The following GRHL2 variants were observed in gnomAD, a reference collection of about 807,000 sequenced individuals.
GRHL2 encodes the protein grainyhead like transcription factor 2.
A neutral mutation model predicts 83.8 loss-of-function variants in GRHL2; 21 were observed. That is an observed-to-expected ratio of 0.25 (90% CI 0.18 to 0.36). GRHL2 has a LOEUF of 0.36. Among genes scored for constraint, GRHL2 ranks in the 10% least tolerant of loss-of-function variants. GRHL2 has a pLI of 1.00. For missense variants in GRHL2, 623 were observed against 781.8 expected (o/e 0.80, Z 2.42); for synonymous variants, 280 against 278.9 (o/e 1.00, Z -0.04).
In GRHL2 at chr8:101,598,986, A is replaced by G; in HGVS notation, c.1004-71A>G. Reference sequence around the variant, plus strand: ...GAAGTTTAAATTTACCCATTGGAAAATGATGGTTCAGTACATGTCACTGAG... The same window carrying G: ...GAAGTTTAAATTTACCCATTGGAAAGTGATGGTTCAGTACATGTCACTGAG... On this transcript the variant is annotated intron_variant, in intron 7 of 15. Coordinates refer to ENST00000646743, the MANE Select transcript of GRHL2 (RefSeq NM_024915.4). 1.6e-5 allele frequency: 17 copies of G among 1,042,166 alleles called. No individual in the cohort carries two copies. In the South Asian group the frequency reaches 2.1e-4, roughly 13 times the overall value. The allele number at this position is 1,042,166 out of a possible 1,614,324, so 64.6% of individuals were successfully genotyped here.
Position 101,623,392 on chromosome 8 carries a change from C to A in GRHL2, c.1257+3695C>A, listed in dbSNP as rs995551788. 3.5e-5 allele frequency among the ~76,000 whole-genome samples: 5 copies of A among 144,530 alleles called. No homozygotes were observed. In the East Asian group the frequency reaches 6.3e-4, roughly 18 times the overall value. The allele number at this position is 144,530 out of a possible 152,430, so 94.8% of individuals were successfully genotyped here. On this transcript the variant is annotated intron_variant, in intron 9 of 15. Transcript: ENST00000646743. Reference sequence around the variant, plus strand: ...TTCACAGTAAGACAGTTCACGGTACCCAGTAGGACAGTACACAGTAGAACA... The same window carrying A: ...TTCACAGTAAGACAGTTCACGGTACACAGTAGGACAGTACACAGTAGAACA...
chr8:101,565,027 T>A (rs1391134335), intron 4 of GRHL2, among the ~76,000 whole-genome samples: 1 of 152,192 alleles, frequency 6.6e-6, no homozygotes, highest in African/African-American at 2.4e-5. Context: ...AGGGAAATAA[T>A]GCTAGATGCC....
At chr8:101,633,548 C>T (rs2130403412) in intron 11 of GRHL2, among the ~76,000 whole-genome samples, 1 of 152,304 alleles carries the variant, frequency 6.6e-6, no homozygotes, top group African/African-American at 2.4e-5. Context: ...ACAACCACGG[C>T]TTTTTTGTTG....
Position 101,668,917 on chromosome 8 carries a change from ATGAAT to A in GRHL2, c.*2219_*2223del, listed in dbSNP as rs1239349979. 2 of 152,360 alleles carry A rather than the reference ATGAAT, an allele frequency of 1.3e-5. No individual in the cohort carries two copies. Among genetic ancestry groups the A allele is most frequent in the African/African-American group, 2.4e-5 (1 of 41,572 alleles). The allele number at this position is 152,360 out of a possible 1,614,324, so 9.4% of individuals were successfully genotyped here. A position where few individuals can be genotyped will look rare whatever the true frequency, so the allele number is the denominator to read the frequency against. On this transcript the variant is annotated 3_prime_UTR_variant, in exon 16 of 16. Coordinates refer to ENST00000646743, the MANE Select transcript of GRHL2 (RefSeq NM_024915.4). ...TGCCAGTCCTGCCCTAAGGCAGAAG[ATGAAT>A]TGAAGATGCTGTGCATGTTTCCTAA...
chr8:101,658,526 G>GTGAC (rs1367541129), intron 14 of GRHL2, among the ~76,000 whole-genome samples: 1 of 152,204 alleles, frequency 6.6e-6, no homozygotes, highest in Non-Finnish European at 1.5e-5. Context: ...TGGGGACCCA[G>GTGAC]TGACTCAATA....
chr8:101,636,878 C>G lies in GRHL2; in HGVS notation c.1486-19C>G, dbSNP rs137982846. ...TTCTTGTCTCTGACCTACAGTAAGCCTATTGTTTTGTTCCACAGGTGTATT... is the reference window on the plus strand; with the variant it reads ...TTCTTGTCTCTGACCTACAGTAAGCGTATTGTTTTGTTCCACAGGTGTATT... On this transcript the variant is annotated intron_variant, in intron 11 of 15. Coordinates refer to ENST00000646743, the MANE Select transcript of GRHL2 (RefSeq NM_024915.4). The G allele has an allele frequency of 3.4e-4, 540 of 1,610,872 alleles. No homozygotes were observed. Among genetic ancestry groups the G allele is most frequent in the Non-Finnish European group, 3.2e-4 (378 of 1,177,094 alleles).
intron 1 of GRHL2, among the ~76,000 whole-genome samples, chr8:101,521,717 A>G (rs1044269714): frequency 1.6e-4 from 25 of 152,236 alleles, no homozygotes; most frequent in African/African-American, 6.0e-4. Context: ...AACTTCCATG[A>G]TAAGATTTTT....
In GRHL2 at chr8:101,492,573, A is replaced by C; in HGVS notation, c.-197A>C. 1.5e-6 allele frequency: 1 copy of C among 680,806 alleles called. No individual in the cohort carries two copies. Among genetic ancestry groups the C allele is most frequent in the Non-Finnish European group, 2.7e-6 (1 of 368,988 alleles). 42.2% of individuals were successfully genotyped at this position (680,806 alleles called of 1,614,324 possible). ...CATGTGAGGGGCCCCCCCTTATCCC[A>C]CCTTTCCGGCTAGGTGAGGGCGCGA... On this transcript the variant is annotated 5_prime_UTR_variant, in exon 1 of 16. Transcript: ENST00000646743.
intron 13 of GRHL2, among the ~76,000 whole-genome samples, chr8:101,645,112 C>T (rs2129673582): frequency 7.3e-6 from 1 of 137,922 alleles, no homozygotes; most frequent in South Asian, 2.4e-4. Flanking sequence ...GCCAGCAGTA[C>T]AGAATTTTTT....
At chr8:101,678,231 G>A in the GRHL2 span, among the ~76,000 whole-genome samples, 11 of 152,296 alleles carry the variant, frequency 7.2e-5, no homozygotes, top group East Asian at 9.7e-4. Flanking sequence ...TGCGCGCACC[G>A]TGTGCGAGCC....
intron 2 of GRHL2, chr8:101,544,085 G>A (rs1811212201): frequency 6.5e-6 from 1 of 153,740 alleles, no homozygotes; most frequent in Non-Finnish European, 1.4e-5. Context: ...CAACACATGG[G>A]AATTATGGGA....
At chr8:101,663,799 T>G (rs1345781710) in intron 14 of GRHL2, among the ~76,000 whole-genome samples, 1 of 152,074 alleles carries the variant, frequency 6.6e-6, no homozygotes, top group African/African-American at 2.4e-5. Flanking sequence ...GCTGATCTTT[T>G]TCTTGATTTG....
chr8:101,513,821 T>C (rs1193395709), intron 1 of GRHL2, among the ~76,000 whole-genome samples: 2 of 152,130 alleles, frequency 1.3e-5, no homozygotes, highest in Non-Finnish European at 2.9e-5. Context: ...ATCTGTGTTA[T>C]ACCAGCTGAT....
downstream of GRHL2, among the ~76,000 whole-genome samples, chr8:101,674,491 T>A (rs2129811965): frequency 6.6e-6 from 1 of 152,100 alleles, no homozygotes; most frequent in East Asian, 1.9e-4. Flanking sequence ...ACATACACCC[T>A]CCCAAGACTA....
the GRHL2 span, among the ~76,000 whole-genome samples, chr8:101,677,912 A>G: frequency 6.6e-6 from 1 of 152,082 alleles, no homozygotes; most frequent in Admixed American, 6.5e-5. Flanking sequence ...CAGCCTGAAC[A>G]TCTTTCCCTA....
intron 1 of GRHL2, among the ~76,000 whole-genome samples, chr8:101,533,680 A>G (rs1437999122): frequency 6.6e-6 from 1 of 152,224 alleles, no homozygotes; most frequent in Admixed American, 6.5e-5. Flanking sequence ...GCATGGGTGG[A>G]AGCAGGTTGC....
intron 12 of GRHL2, among the ~76,000 whole-genome samples, chr8:101,638,861 C>T (rs1332628351): frequency 6.6e-6 from 1 of 152,214 alleles, no homozygotes; most frequent in African/African-American, 2.4e-5. Flanking sequence ...ACAACATTGA[C>T]TCTGAGCTCA....
intron 8 of GRHL2, among the ~76,000 whole-genome samples, chr8:101,609,599 A>C (rs1359403490): frequency 6.6e-6 from 1 of 151,160 alleles, no homozygotes; most frequent in Non-Finnish European, 1.5e-5. Flanking sequence ...AAAACACTGG[A>C]AACAACCTAA....
At chr8:101,514,600 G>A (rs547817815) in intron 1 of GRHL2, among the ~76,000 whole-genome samples, 136 of 152,296 alleles carry the variant, frequency 8.9e-4, no homozygotes, top group Non-Finnish European at 1.5e-3. Flanking sequence ...GGAGCAGCCC[G>A]TGGGAGGCCT....
Sources: allele counts gnomAD v4.1 joint callset (sites outside exome capture counted in the v4.1 genomes callset), GRCh38; gene constraint gnomAD v4.1.1; transcripts MANE v1.5; gene names NCBI Gene and HGNC (gene_info 2026-07-23, HGNC 2026-07-21).